The following ACSBG2 variants were observed in gnomAD, a reference collection of about 807,000 sequenced individuals.
ACSBG2 encodes the protein acyl-CoA synthetase bubblegum family member 2.
In ACSBG2, 62 loss-of-function variants were observed where a neutral mutation model predicts 74.7. That is an observed-to-expected ratio of 0.83 (90% CI 0.68 to 1.03). ACSBG2 has a LOEUF of 1.03. ACSBG2 is among the 50% of genes least tolerant of loss of function. ACSBG2 has a pLI of 0.00. For missense variants in ACSBG2, 730 were observed against 817.6 expected, an observed-to-expected ratio of 0.89 and a Z score of 1.31; for synonymous variants, 309 against 294.1, an observed-to-expected ratio of 1.05 and a Z score of -0.52.
chr19:6,171,957 T>C (rs532420261), intron 7 of ACSBG2, among the ~76,000 whole-genome samples: 1 of 152,276 alleles, frequency 6.6e-6, no homozygotes, highest in Non-Finnish European at 1.5e-5. Context: ...AAGACCATTC[T>C]TCAAGCTCTG....
At position 6,184,832 on chromosome 19, in the gene ACSBG2, G is replaced by GAAAA. The variant is rs371866289; in HGVS notation, c.1323-567_1323-564dup. ...TTTCTTTGCCGGCATATGTGGAGAT[G>GAAAA]AAAAAAAAAAAAAAAAAAAAAAAAA... On this transcript the variant is annotated intron_variant, in intron 10 of 14. Coordinates refer to ENST00000588485, the MANE Select transcript of ACSBG2 (RefSeq NM_030924.5). 6.5e-3 allele frequency among the ~76,000 whole-genome samples: 88 copies of GAAAA among 13,516 alleles called. 11 individuals are homozygous for GAAAA. Among genetic ancestry groups the GAAAA allele is most frequent in the Non-Finnish European group, 0.016 (56 of 3,602 alleles). 8.9% of individuals were successfully genotyped at this position (13,516 alleles called of 152,430 possible).
chr19:6,167,742 T>C (rs1036020856), intron 7 of ACSBG2, among the ~76,000 whole-genome samples: 1 of 152,202 alleles, frequency 6.6e-6, no homozygotes, highest in East Asian at 1.9e-4. Context: ...TCCTGTAAAA[T>C]TTGATGCATA....
intron 6 of ACSBG2, among the ~76,000 whole-genome samples, chr19:6,164,754 G>A (rs1030281209): frequency 1.3e-5 from 2 of 152,166 alleles, no homozygotes; most frequent in African/African-American, 4.8e-5. Flanking sequence ...TTAAGTCAGC[G>A]CATCACCCTC....
At chr19:6,185,797 C>T (rs894757665) in intron 11 of ACSBG2, 144 bp downstream of exon 11, 9 of 776,876 alleles carry the variant, frequency 1.2e-5, no homozygotes, top group Non-Finnish European at 1.4e-5. Flanking sequence ...TCTGTACAAC[C>T]CAGCTCTATC....
intron 7 of ACSBG2, 94 bp downstream of exon 7, chr19:6,166,109 G>T: frequency 4.7e-6 from 7 of 1,490,368 alleles, no homozygotes; most frequent in Non-Finnish European, 6.4e-6. Flanking sequence ...GGTCTAGTAC[G>T]CAGTGTGGCT....
chr19:6,185,605 G>C lies in ACSBG2; in HGVS notation c.1492G>C (p.Gly498Arg). The C allele has an allele frequency of 6.2e-7, 1 of 1,614,134 alleles. No individual in the cohort carries two copies. The highest frequency in any genetic ancestry group is 8.5e-7 in the Non-Finnish European group (1 of 1,180,000). The change falls in exon 11 of 15, where the codon GGC becomes CGC. Residue 498 changes from glycine (G) to arginine (R), a missense_variant. Gly to Arg is a moderately radical substitution (Grantham distance 125). Coordinates refer to ENST00000588485, the MANE Select transcript of ACSBG2 (RefSeq NM_030924.5). ...DEGWLHSGDL[G>R]QLDGLGFLYV... ...AGGCTGGCTACACTCTGGGGATCTG[G>C]GCCAGCTGGACGGTCTGGGTTTCCT...
Position 6,182,792 on chromosome 19 carries a change from C to T in ACSBG2, c.948C>T (p.Val316=). 6.2e-7 allele frequency: 1 copy of T among 1,614,172 alleles called. No homozygotes were observed. Among genetic ancestry groups the T allele is most frequent in the Non-Finnish European group, 8.5e-7 (1 of 1,180,032 alleles). The part of the protein sequence containing the change: ...VSTLKEVKPT[V]FIGVPQIWEK... ...CTCTAAAGGAGGTAAAACCTACTGT[C>T]TTCATTGGAGTGCCTCAAATTTGGG... The change falls in exon 9 of 15, where the codon GTC becomes GTT. Residue 316 remains valine (V), a synonymous_variant. Transcript: ENST00000588485.
At chr19:6,187,002 GTTTT>G (rs1011907904) in intron 11 of ACSBG2, among the ~76,000 whole-genome samples, 2 of 130,696 alleles carry the variant, frequency 1.5e-5, no homozygotes, top group South Asian at 2.4e-4. Context: ...TGGCCACTAG[GTTTT>G]TTTTTTTTTT....
At position 6,174,082 on chromosome 19, in the gene ACSBG2, G is replaced by A. The variant is rs1235501474; in HGVS notation, c.739-3147G>A. Reference sequence around the variant, plus strand: ...CTCCTGAGTAGCAGGGATTACAGACGTGTGCCAACACACCCATCTAATTTT... The same window carrying A: ...CTCCTGAGTAGCAGGGATTACAGACATGTGCCAACACACCCATCTAATTTT... On this transcript the variant is annotated intron_variant, in intron 7 of 14. Transcript: ENST00000588485. The surrounding 1 kb of genome is among the most constrained non-coding windows in gnomAD (Gnocchi z 4.2). Among the ~76,000 whole-genome samples, 1 of 152,028 alleles carries A rather than the reference G, an allele frequency of 6.6e-6. No homozygotes were observed. Among genetic ancestry groups the A allele is most frequent in the Non-Finnish European group, 1.5e-5 (1 of 68,004 alleles).
At chr19:6,190,773 T>G in intron 14 of ACSBG2, 81 bp downstream of exon 14, 1 of 783,922 alleles carries the variant, frequency 1.3e-6, no homozygotes, top group East Asian at 2.6e-5. Context: ...GGCAGATCTG[T>G]GACTGGAACT....
intron 7 of ACSBG2, among the ~76,000 whole-genome samples, chr19:6,172,390 T>G (rs1762988946): frequency 6.6e-6 from 1 of 152,202 alleles, no homozygotes; most frequent in Admixed American, 6.5e-5. Context: ...CTTGAGGGTA[T>G]GGCTGTGGTG....
At chr19:6,190,476 A>T in intron 13 of ACSBG2, 108 bp from the exon 14 acceptor site, 1 of 918,326 alleles carries the variant, frequency 1.1e-6, no homozygotes, top group South Asian at 1.4e-5. Flanking sequence ...TGGCACAGCC[A>T]GCCACCCAGC....
chr19:6,192,071 CAAAAAAAAAAAAAAAA>C (rs397859531), intron 14 of ACSBG2: 1 of 57,476 alleles, frequency 1.7e-5, no homozygotes, highest in African/African-American at 8.6e-5. Flanking sequence ...AGCACAGCAC[CAAAAAAAAAAAAAAAA>C]AAAAAAAAAT....
At chr19:6,136,718 C>T (rs1244740303) in intron 1 of ACSBG2, among the ~76,000 whole-genome samples, 2 of 152,150 alleles carry the variant, frequency 1.3e-5, no homozygotes, top group Admixed American at 6.6e-5. Flanking sequence ...TAACACAAAG[C>T]ATATCTGTAC....
In ACSBG2 at chr19:6,176,580, C is replaced by T. The variant is rs528183885; in HGVS notation, c.739-649C>T. The stretch of plus-strand genomic sequence containing the variant: ...CCATAAAGATCGGGGCACTCACATA[C>T]TTTAGGCTTAAGCACATGCTCTCAA... On this transcript the variant is annotated intron_variant, in intron 7 of 14. Transcript: ENST00000588485. The T allele has an allele frequency of 1.2e-5, 3 of 250,658 alleles. No homozygotes were observed. In the South Asian group the frequency reaches 2.2e-4, roughly 18 times the overall value. 15.5% of individuals were successfully genotyped at this position (250,658 alleles called of 1,614,324 possible).
rs137857792 is a variant in ACSBG2, at chr19:6,177,363, G to A, written c.873G>A (p.Ala291=). The change falls in exon 8 of 15, where the codon GCG becomes GCA. Residue 291 remains alanine (A), a synonymous_variant. Transcript: ENST00000588485. ...TCTGGGTACCCATAAAGATTGGGGCGCTCACATACTTTGCTCAAGCAGATG... is the reference window on the plus strand; with the variant it reads ...TCTGGGTACCCATAAAGATTGGGGCACTCACATACTTTGCTCAAGCAGATG... ...MDIWVPIKIG[A]LTYFAQADAL... is the part of the protein sequence containing the mutation. 446 of 1,607,226 alleles carry A rather than the reference G, an allele frequency of 2.8e-4. 1 individual carries two copies. Among genetic ancestry groups the A allele is most frequent in the Non-Finnish European group, 3.3e-4 (391 of 1,177,324 alleles).
intron 4 of ACSBG2, among the ~76,000 whole-genome samples, chr19:6,154,319 AC>A (rs1311689001): frequency 1.3e-5 from 2 of 149,256 alleles, no homozygotes; most frequent in Non-Finnish European, 3.0e-5. Flanking sequence ...AATCACTTGA[AC>A]CCGGGACGCA....
intron 1 of ACSBG2, 60 bp downstream of exon 1, chr19:6,135,969 C>A (rs937078208): frequency 6.6e-6 from 1 of 152,538 alleles, no homozygotes; most frequent in Admixed American, 6.5e-5. Context: ...GAGACAGGGT[C>A]TCACTCTTTT....
At chr19:6,147,928 AT>A (rs148118752) in intron 3 of ACSBG2, among the ~76,000 whole-genome samples, 3,571 of 152,206 alleles carry the variant, frequency 0.023, 52 homozygotes, top group South Asian at 0.054. Context: ...ATATATGCAA[AT>A]TTTTTACACA....
Sources: gnomAD v4.1 joint callset for allele counts (sites outside exome capture counted in the v4.1 genomes callset) on GRCh38, gnomAD v4.1.1 for gene constraint, Gnocchi (gnomAD v3.1) non-coding constraint, MANE v1.5 for transcripts, NCBI Gene and HGNC (gene_info 2026-07-23, HGNC 2026-07-21) for gene names.